ZBTB16: variants seen among roughly 807,000 people sequenced by gnomAD.
The protein encoded by ZBTB16 is zinc finger and BTB domain-containing protein 16.
A neutral mutation model predicts 56.8 loss-of-function variants in ZBTB16; 8 were observed. That is an observed-to-expected ratio of 0.14 (90% CI 0.08 to 0.25). The LOEUF (loss-of-function observed/expected upper bound fraction) is 0.25. Ranked by LOEUF, ZBTB16 falls within the 10% of genes least tolerant of loss-of-function variation. The probability of loss-of-function intolerance (pLI) is 1.00; values close to 1 mark genes in which losing one functional copy is unlikely to be tolerated. For missense variants in ZBTB16, 625 were observed against 903.0 expected (o/e 0.69, Z 3.95); for synonymous variants, 363 against 368.5 (o/e 0.98, Z 0.17).
At chr11:114,220,842 A>G (rs1013036879) in intron 4 of ZBTB16, among the ~76,000 whole-genome samples, 1 of 152,194 alleles carries the variant, frequency 6.6e-6, no homozygotes, top group Non-Finnish European at 1.5e-5. Context: ...CAGCAGTTAC[A>G]TAGAGTTTTG....
chr11:114,130,376 C>T (rs1181929430), intron 2 of ZBTB16, among the ~76,000 whole-genome samples: 4 of 152,188 alleles, frequency 2.6e-5, no homozygotes, highest in Admixed American at 6.5e-5. Context: ...GTGGCCTTCT[C>T]CCTGGCCACT....
chr11:114,065,487 G>T (rs951210439), intron 2 of ZBTB16, among the ~76,000 whole-genome samples: 1 of 151,954 alleles, frequency 6.6e-6, no homozygotes, highest in Non-Finnish European at 1.5e-5. Context: ...TGTGATCTCT[G>T]CTCACCGCAA....
intron 3 of ZBTB16, among the ~76,000 whole-genome samples, chr11:114,171,074 G>A (rs1942953515): frequency 6.6e-6 from 1 of 152,204 alleles, no homozygotes; most frequent in African/African-American, 2.4e-5. Flanking sequence ...CAGAAGCTCT[G>A]GAGTATAGGC....
At chr11:114,200,127 CAAAAAA>C (rs796851438) in intron 4 of ZBTB16, among the ~76,000 whole-genome samples, 1 of 105,090 alleles carries the variant, frequency 9.5e-6, no homozygotes, top group Non-Finnish European at 2.0e-5. Flanking sequence ...GACTCCGTCT[CAAAAAA>C]AAAAAAAGAA....
At chr11:114,111,540 G>T (rs912437603) in intron 2 of ZBTB16, among the ~76,000 whole-genome samples, 1 of 152,170 alleles carries the variant, frequency 6.6e-6, no homozygotes, top group Non-Finnish European at 1.5e-5. Context: ...AATGTTAAAG[G>T]TTTCCAGTAT....
chr11:114,178,865 G>T (rs1943181283), intron 3 of ZBTB16, among the ~76,000 whole-genome samples: 1 of 152,190 alleles, frequency 6.6e-6, no homozygotes, highest in African/African-American at 2.4e-5. Context: ...CACACATGAG[G>T]TGTCAGTCAT....
At chr11:114,178,878 G>A (rs1164823128) in intron 3 of ZBTB16, among the ~76,000 whole-genome samples, 2 of 152,196 alleles carry the variant, frequency 1.3e-5, no homozygotes, top group Non-Finnish European at 2.9e-5. Flanking sequence ...TCAGTCATTT[G>A]CCAGGTCACT....
chr11:114,202,217 A>T (rs1371751089), intron 4 of ZBTB16, among the ~76,000 whole-genome samples: 1 of 152,218 alleles, frequency 6.6e-6, no homozygotes, highest in Non-Finnish European at 1.5e-5. Context: ...TCACACCTGG[A>T]GGGGGTGACA....
chr11:114,131,447 C>T (rs981464722), intron 2 of ZBTB16, among the ~76,000 whole-genome samples: 1 of 152,164 alleles, frequency 6.6e-6, no homozygotes, highest in Admixed American at 6.5e-5. Context: ...GTGCTGGAAA[C>T]GTTCTGAATA....
At position 114,088,669 on chromosome 11, in the gene ZBTB16, T is replaced by G. The variant is rs139648865; in HGVS notation, c.1268+24101T>G. ...CCTCTGAAGCAGGGGTGGCTGAGCT[T>G]TTTGAATATCTGCATTGTGCTAAGG... On this transcript the variant is annotated intron_variant, in intron 2 of 6. Transcript: ENST00000335953. Among the ~76,000 whole-genome samples, 251 of 152,296 alleles carry G rather than the reference T, an allele frequency of 1.6e-3. 1 individual carries two copies. The highest frequency in any genetic ancestry group is 2.5e-3 in the South Asian group (12 of 4,824).
intron 3 of ZBTB16, among the ~76,000 whole-genome samples, chr11:114,175,976 G>GC (rs1943100990): frequency 7.6e-6 from 1 of 132,404 alleles, no homozygotes; most frequent in African/African-American, 3.1e-5. Flanking sequence ...TCAGGGGAGA[G>GC]GGGTGTGTGT....
chr11:114,163,180 C>G (rs1054633187), intron 3 of ZBTB16, among the ~76,000 whole-genome samples: 13 of 150,954 alleles, frequency 8.6e-5, no homozygotes, highest in African/African-American at 2.7e-4. Context: ...TACTCTCCCC[C>G]CAACCCGTCC....
Position 114,220,403 on chromosome 11 carries a change from G to A in ZBTB16, c.1454-21764G>A, listed in dbSNP as rs776954440. On this transcript the variant is annotated intron_variant, in intron 4 of 6. Transcript: ENST00000335953. ...GAGCAATGCATGCATGTGAGTGTGT[G>A]TAAATATGTCATGTTCTAGCCTCCG... Among the ~76,000 whole-genome samples, 44 of 152,216 alleles carry A rather than the reference G, an allele frequency of 2.9e-4. 1 individual carries two copies. The highest frequency in any genetic ancestry group is 5.2e-4 in the Admixed American group (8 of 15,284).
intron 4 of ZBTB16, among the ~76,000 whole-genome samples, chr11:114,196,993 G>T (rs1428839789): frequency 2.0e-5 from 3 of 152,070 alleles, no homozygotes; most frequent in Non-Finnish European, 4.4e-5. Context: ...TTCCCTCCCT[G>T]TGGGGGCCTG....
At chr11:114,195,364 G>T (rs1159509856) in intron 4 of ZBTB16, among the ~76,000 whole-genome samples, 2 of 152,148 alleles carry the variant, frequency 1.3e-5, no homozygotes, top group Non-Finnish European at 2.9e-5. Flanking sequence ...GTGAACATGG[G>T]GGAGTTGGGG....
intron 4 of ZBTB16, among the ~76,000 whole-genome samples, chr11:114,234,828 C>T (rs551783526): frequency 6.6e-6 from 1 of 152,232 alleles, no homozygotes; most frequent in Non-Finnish European, 1.5e-5. Flanking sequence ...GCCTCTCTTT[C>T]TCTCTTGCCG....
intron 2 of ZBTB16, among the ~76,000 whole-genome samples, chr11:114,139,626 C>CGTGTGTGTGTGTGT (rs750514241): frequency 0.016 from 2,215 of 138,590 alleles, 84 homozygotes; most frequent in African/African-American, 0.057. Flanking sequence ...CCGCGGTCCA[C>CGTGTGTGTGTGTGT]GTGTGTGTGT....
chr11:114,065,493 C>T (rs1032588197), intron 2 of ZBTB16, among the ~76,000 whole-genome samples: 6 of 152,064 alleles, frequency 3.9e-5, no homozygotes, highest in African/African-American at 1.4e-4. Flanking sequence ...CTCTGCTCAC[C>T]GCAACCTCTG....
intron 4 of ZBTB16, 36 bp from the exon 5 acceptor site, chr11:114,242,131 A>G (rs1381539516): frequency 1.2e-6 from 2 of 1,612,542 alleles, no homozygotes; most frequent in African/African-American, 1.3e-5. Context: ...TTGTATTCCC[A>G]CCTTTCTGAG....
Sources: gnomAD v4.1 joint callset for allele counts (sites outside exome capture counted in the v4.1 genomes callset) on GRCh38, gnomAD v4.1.1 for gene constraint, MANE v1.5 for transcripts, NCBI Gene and HGNC (gene_info 2026-07-23, HGNC 2026-07-21) for gene names.